The following E2F6 variants were observed in gnomAD, a reference collection of about 807,000 sequenced individuals.
The protein encoded by E2F6 is transcription factor E2F6.
A neutral mutation model predicts 31.5 loss-of-function variants in E2F6; 19 were observed. The ratio of observed to expected loss-of-function variants is 0.60; its 90% CI spans 0.42 to 0.89. The LOEUF is 0.89. Ranked by LOEUF, E2F6 falls within the 40% of genes least tolerant of loss-of-function variation. The probability of loss-of-function intolerance (pLI) is 0.00; values close to 1 mark genes in which losing one functional copy is unlikely to be tolerated. For missense variants in E2F6, 269 were observed against 341.6 expected, an observed-to-expected ratio of 0.79 and a Z score of 1.67; for synonymous variants, 121 against 127.7, an observed-to-expected ratio of 0.95 and a Z score of 0.36.
chr2:11,452,396 G>C (rs751661921), intron 3 of E2F6, among the ~76,000 whole-genome samples: 7 of 152,168 alleles, frequency 4.6e-5, no homozygotes, highest in Non-Finnish European at 8.8e-5. Flanking sequence ...CTGAGGTCAG[G>C]AGTTATAGAC....
intron 2 of E2F6, chr2:11,455,319 C>A: frequency 5.3e-6 from 6 of 1,133,268 alleles, no homozygotes; most frequent in African/African-American, 1.6e-5. Context: ...AGTCAGTATG[C>A]CTCAAAGAAA....
chr2:11,465,836 A>G lies in E2F6; in HGVS notation c.44T>C (p.Leu15Pro), dbSNP rs1205355350. The change falls in exon 1 of 7, where the codon CTG becomes CCG. Residue 15 changes from leucine (L) to proline (P), a missense_variant. Transcript: ENST00000381525. ...GCGAACCGTCTCCTCCGTCGGGTCC[A>G]GGAGGAGACTGGGTAACTTCCTCGC... is the stretch of plus-strand genomic sequence containing the variant. ...RPARKLPSLL[L>P]DPTEETVRRR... The G allele has an allele frequency of 6.3e-7, 1 of 1,592,290 alleles. No individual in the cohort carries two copies. The highest frequency in any genetic ancestry group is 1.1e-5 in the South Asian group (1 of 87,614).
chr2:11,449,171 A>G (rs528947494), intron 5 of E2F6, among the ~76,000 whole-genome samples: 2 of 152,358 alleles, frequency 1.3e-5, no homozygotes, highest in South Asian at 4.1e-4. Flanking sequence ...AAATAAAACA[A>G]CTAGGAAACA....
intron 2 of E2F6, among the ~76,000 whole-genome samples, chr2:11,456,086 G>A (rs914878158): frequency 2.0e-5 from 3 of 152,138 alleles, no homozygotes; most frequent in Non-Finnish European, 2.9e-5. Context: ...AAGAGGCTGC[G>A]GCATTAAGCA....
chr2:11,460,918 C>A (rs1244567891), intron 1 of E2F6, among the ~76,000 whole-genome samples: 1 of 152,104 alleles, frequency 6.6e-6, no homozygotes, highest in Admixed American at 6.5e-5. Flanking sequence ...TATAATCTTA[C>A]AGGACCAGAA....
chr2:11,450,796 C>T (rs567169676), intron 4 of E2F6, among the ~76,000 whole-genome samples: 164 of 151,478 alleles, frequency 1.1e-3, no homozygotes, highest in African/African-American at 3.7e-3. Flanking sequence ...TTTTCTTTTC[C>T]TTCCAGTACC....
intron 2 of E2F6, chr2:11,455,477 T>G (rs1171351029): frequency 7.7e-7 from 1 of 1,296,628 alleles, no homozygotes; most frequent in African/African-American, 1.5e-5. Context: ...TTCCTACACT[T>G]AAGATTAAAT....
chr2:11,461,568 G>T (rs928173849), intron 1 of E2F6, among the ~76,000 whole-genome samples: 2 of 152,152 alleles, frequency 1.3e-5, no homozygotes, highest in South Asian at 4.2e-4. Flanking sequence ...AGCCAGGCTG[G>T]TCTCGAAATC....
At chr2:11,461,650 G>A (rs1416244422) in intron 1 of E2F6, among the ~76,000 whole-genome samples, 1 of 152,218 alleles carries the variant, frequency 6.6e-6, no homozygotes, top group Non-Finnish European at 1.5e-5. Context: ...ACCATGACTG[G>A]CCAAGAGTTC....
At chr2:11,454,704 G>T (rs1463617766) in intron 2 of E2F6, among the ~76,000 whole-genome samples, 1 of 150,538 alleles carries the variant, frequency 6.6e-6, no homozygotes, top group African/African-American at 2.4e-5. Flanking sequence ...TTAACAGATA[G>T]ACAAAAAAAA....
rs1239379800 is a variant in E2F6 at position 11,446,447 on chromosome 2, A to C, written c.*30T>G. ...TTCTCCACGAAGATATTCCCAAAAA[A>C]CTCAGTGATACATAAATTCTCAAAT... On this transcript the variant is annotated 3_prime_UTR_variant, in exon 7 of 7. Transcript: ENST00000381525. The C allele has an allele frequency of 6.6e-7, 1 of 1,525,790 alleles. No homozygotes were observed. Among genetic ancestry groups the C allele is most frequent in the Middle Eastern group, 1.7e-4 (1 of 5,862 alleles). The allele number at this position is 1,525,790 out of a possible 1,614,324, so 94.5% of individuals were successfully genotyped here. A position where few individuals can be genotyped will look rare whatever the true frequency, so the allele number is the denominator to read the frequency against.
chr2:11,462,840 C>T (rs1313583416), intron 1 of E2F6, among the ~76,000 whole-genome samples: 3 of 152,228 alleles, frequency 2.0e-5, no homozygotes, highest in East Asian at 3.9e-4. Flanking sequence ...TGAATTATTT[C>T]TGGAATTTTC....
chr2:11,446,565 A>G (rs564874035), intron 6 of E2F6, 42 bp from the exon 7 acceptor site: 4 of 1,557,980 alleles, frequency 2.6e-6, no homozygotes, highest in South Asian at 2.3e-5. Flanking sequence ...AAGTGAATAC[A>G]CCTAAGTGAA....
At chr2:11,447,927 A>G (rs1208246340) in intron 5 of E2F6, among the ~76,000 whole-genome samples, 153 bp from the exon 6 acceptor site, 2 of 152,260 alleles carry the variant, frequency 1.3e-5, no homozygotes, top group African/African-American at 4.8e-5. Flanking sequence ...GAAGACAGCT[A>G]CATGTGATCC....
Position 11,451,793 on chromosome 2 carries a change from T to C in E2F6, c.394A>G (p.Ser132Gly), listed in dbSNP as rs779328928. ...NHIRWIGSDL[S>G]NFGAVPQQKK... ...TGTTGGGGAACTGCTCCAAAATTGC[T>C]AAGATCAGATCCTCTTTAGAAGAAA... is the stretch of plus-strand genomic sequence containing the variant. The change falls in exon 4 of 7, where the codon AGC becomes GGC. Residue 132 changes from serine to glycine, a missense_variant. Transcript: ENST00000381525. 3.7e-6 allele frequency: 6 copies of C among 1,608,592 alleles called. No individual in the cohort carries two copies. Among genetic ancestry groups the C allele is most frequent in the Non-Finnish European group, 5.1e-6 (6 of 1,176,636 alleles).
In E2F6 at chr2:11,446,527, G is replaced by T; in HGVS notation, c.800-4C>A. On this transcript the variant is annotated splice_polypyrimidine_tract_variant and splice_region_variant and intron_variant, in intron 6 of 6. Transcript: ENST00000381525. ...TCACTTTGCTGAGGATTTTCTTCTGGAAAAGAACACGAGAGAGAAATACAC... is the reference window on the plus strand; with the variant it reads ...TCACTTTGCTGAGGATTTTCTTCTGTAAAAGAACACGAGAGAGAAATACAC... 1 of 1,612,954 alleles carries T rather than the reference G, an allele frequency of 6.2e-7. No individual in the cohort carries two copies. Among genetic ancestry groups the T allele is most frequent in the Non-Finnish European group, 8.5e-7 (1 of 1,179,254 alleles).
intron 5 of E2F6, among the ~76,000 whole-genome samples, chr2:11,449,764 T>A (rs532999651): frequency 6.6e-6 from 1 of 152,318 alleles, no homozygotes; most frequent in African/African-American, 2.4e-5. Context: ...CTAACTGGGT[T>A]TGAATTCTGG....
chr2:11,462,627 G>A (rs930582216), intron 1 of E2F6, among the ~76,000 whole-genome samples: 1 of 152,132 alleles, frequency 6.6e-6, no homozygotes, highest in South Asian at 2.1e-4. Flanking sequence ...GTGCTTTGGG[G>A]CCATTACTGA....
In E2F6 at chr2:11,455,353, A is replaced by C. The variant is rs1370634886; in HGVS notation, c.164-1555T>G. 9.2e-6 allele frequency: 11 copies of C among 1,195,796 alleles called. No individual in the cohort carries two copies. The East Asian group carries it at 4.8e-4, about 52-fold the overall frequency. 74.1% of individuals were successfully genotyped at this position (1,195,796 alleles called of 1,614,324 possible). A position where few individuals can be genotyped will look rare whatever the true frequency, so the allele number is the denominator to read the frequency against. On this transcript the variant is annotated intron_variant, in intron 2 of 6. Coordinates refer to ENST00000381525, the MANE Select transcript of E2F6 (RefSeq NM_198256.4). ...AATGTCCATCCTACCTTCAGTCAGA[A>C]ATGTCCTTACTCAGAACCTCCACAA...
Sources: allele counts gnomAD v4.1 joint callset (sites outside exome capture counted in the v4.1 genomes callset), GRCh38; gene constraint gnomAD v4.1.1; transcripts MANE v1.5; gene names NCBI Gene and HGNC (gene_info 2026-07-23, HGNC 2026-07-21).